Variants in MBIP observed in about 807,000 individuals in gnomAD.
The protein encoded by MBIP is MAP3K12-binding inhibitory protein 1.
MBIP carries 32 observed loss-of-function variants against 45.7 expected under a neutral mutation model. That is an observed-to-expected ratio of 0.70 (90% CI 0.53 to 0.94). The LOEUF is 0.94. MBIP is among the 40% of genes least tolerant of loss of function. The pLI, the probability that MBIP is intolerant of heterozygous loss-of-function variation, is 0.00. For missense variants in MBIP, 381 were observed against 405.5 expected (o/e 0.94, Z 0.52); for synonymous variants, 145 against 141.0 (o/e 1.03, Z -0.20).
At chr14:36,309,585 T>C (rs1257900715) in intron 6 of MBIP, among the ~76,000 whole-genome samples, 1 of 152,186 alleles carries the variant, frequency 6.6e-6, no homozygotes, top group African/African-American at 2.4e-5. Flanking sequence ...TTCTAGAAAT[T>C]TTGAGGATTT....
intron 8 of MBIP, among the ~76,000 whole-genome samples, chr14:36,299,959 G>C (rs866600693): frequency 3.4e-4 from 51 of 152,114 alleles, no homozygotes; most frequent in Middle Eastern, 3.4e-3. Context: ...CAGGGTTTTG[G>C]GGGGGCAGTG....
intron 1 of MBIP, among the ~76,000 whole-genome samples, chr14:36,317,548 T>A (rs2139238088): frequency 6.6e-6 from 1 of 152,240 alleles, no homozygotes; most frequent in African/African-American, 2.4e-5. Context: ...CAGCTCATTA[T>A]ATGGAAATTT....
At position 36,301,181 on chromosome 14, in the gene MBIP, T is replaced by C. The variant is rs577750977; in HGVS notation, c.889-358A>G. 2.6e-5 allele frequency among the ~76,000 whole-genome samples: 4 copies of C among 152,278 alleles called. No homozygotes were observed. The East Asian group carries it at 7.7e-4, about 29-fold the overall frequency. On this transcript the variant is annotated intron_variant, in intron 7 of 8. Coordinates refer to ENST00000416007, the MANE Select transcript of MBIP (RefSeq NM_016586.3). ...TCATAACCTTTCCATCCTAGGGTAT[T>C]GAACAAGTGAAGTGACAACAGACAA...
Position 36,308,176 on chromosome 14 carries a change from T to G in MBIP, c.804A>C (p.Pro268=), listed in dbSNP as rs1464538304. The G allele has an allele frequency of 1.3e-6, 2 of 1,589,482 alleles. No individual in the cohort carries two copies. Among genetic ancestry groups the G allele is most frequent in the East Asian group, 4.5e-5 (2 of 44,576 alleles). ...HLRLQTGGPV[P]RDIYQRIKKL... ...TTTTAATTCTCTGATAAATGTCTCT[T>G]GGCACTGGACCACCTAAATACATTA... The change falls in exon 7 of 9, where the codon CCA becomes CCC. Residue 268 remains proline, a synonymous_variant. Transcript: ENST00000416007.
At position 36,299,489 on chromosome 14, in the gene MBIP, A is replaced by C. The variant is rs575359205; in HGVS notation, c.928-299T>G. The stretch of plus-strand genomic sequence containing the variant: ...AAAAAAAAAAAAGCCTGATTATTAG[A>C]CACTGGAGCCTATTTGAAGATGGGA... On this transcript the variant is annotated intron_variant, in intron 8 of 8. Transcript: ENST00000416007. Among the ~76,000 whole-genome samples, 4 of 150,396 alleles carry C rather than the reference A, an allele frequency of 2.7e-5. No homozygotes were observed. The South Asian group carries it at 8.4e-4, about 32-fold the overall frequency.
chr14:36,302,384 T>C (rs1295400062), intron 7 of MBIP, among the ~76,000 whole-genome samples: 2 of 150,380 alleles, frequency 1.3e-5, no homozygotes, highest in Non-Finnish European at 2.9e-5. Flanking sequence ...CCCAGCTACT[T>C]GGGAGGCTGA....
chr14:36,307,830 C>T (rs535757597), intron 7 of MBIP, among the ~76,000 whole-genome samples: 2 of 152,244 alleles, frequency 1.3e-5, no homozygotes, highest in East Asian at 1.9e-4. Flanking sequence ...GGCTGACTTA[C>T]TATGCCATGA....
chr14:36,311,428 C>A, intron 6 of MBIP, 145 bp downstream of exon 6: 2 of 641,364 alleles, frequency 3.1e-6, no homozygotes. Context: ...AGTGAATTGA[C>A]ATACACATAA....
At chr14:36,312,071 C>A in intron 4 of MBIP, 47 bp from the exon 5 acceptor site, 3 of 1,049,128 alleles carry the variant, frequency 2.9e-6, no homozygotes, top group South Asian at 1.7e-5. Flanking sequence ...TTCTTCCCTT[C>A]AAATGTATGA....
chr14:36,317,239 T>C (rs1405429774), intron 1 of MBIP, among the ~76,000 whole-genome samples: 1 of 152,206 alleles, frequency 6.6e-6, no homozygotes, highest in Non-Finnish European at 1.5e-5. Context: ...AGTTTTAACA[T>C]GCATCTTTCT....
intron 1 of MBIP, among the ~76,000 whole-genome samples, chr14:36,320,232 C>T (rs1373551160): frequency 6.6e-6 from 1 of 152,154 alleles, no homozygotes. Flanking sequence ...GCCAACCTCA[C>T]CCACTCTTGG....
In MBIP at chr14:36,311,690, T is replaced by C. The variant is rs371414445; in HGVS notation, c.673A>G (p.Arg225Gly). ...RVVNTYGPQT[R>G]PEGIPGSGHK... is the part of the protein sequence containing the mutation. ...CCTGACCCTGGAATTCCTTCAGGTCTAGTCTGTGGTCCGTATGTATTCACA... is the reference window on the plus strand; with the variant it reads ...CCTGACCCTGGAATTCCTTCAGGTCCAGTCTGTGGTCCGTATGTATTCACA... Residue 225 changes from arginine (R) to glycine (G), a missense_variant, in exon 6 of 9, where the codon AGA becomes GGA. Transcript: ENST00000416007. 3.3e-5 allele frequency: 53 copies of C among 1,613,158 alleles called. No homozygotes were observed. The Middle Eastern group carries it at 1.3e-3, about 40-fold the overall frequency.
chr14:36,301,940 A>C (rs571427762), intron 7 of MBIP, among the ~76,000 whole-genome samples: 81 of 152,364 alleles, frequency 5.3e-4, no homozygotes, highest in Non-Finnish European at 1.0e-3. Flanking sequence ...ATTAAAACTC[A>C]CATTTTCCTT....
At chr14:36,314,961 A>G (rs1184789456) in intron 2 of MBIP, 46 bp from the exon 3 acceptor site, 1 of 1,099,042 alleles carries the variant, frequency 9.1e-7, no homozygotes, top group East Asian at 2.4e-5. Flanking sequence ...TCTGACCAAA[A>G]TTAATTACAC....
At position 36,320,456 on chromosome 14, in the gene MBIP, T is replaced by C; in HGVS notation, c.129+4A>G. The C allele has an allele frequency of 6.2e-7, 1 of 1,614,054 alleles. No individual in the cohort carries two copies. On this transcript the variant is annotated splice_donor_region_variant and intron_variant, in intron 1 of 8. Coordinates refer to ENST00000416007, the MANE Select transcript of MBIP (RefSeq NM_016586.3). Reference sequence around the variant, plus strand: ...TATTCCCAGTCCCTCAGGCCACCTCTCACCTGTCCAACCAGGGTGTGTAGG... The same window carrying C: ...TATTCCCAGTCCCTCAGGCCACCTCCCACCTGTCCAACCAGGGTGTGTAGG...
intron 6 of MBIP, among the ~76,000 whole-genome samples, chr14:36,309,794 C>T (rs1156449291): frequency 6.6e-6 from 1 of 152,168 alleles, no homozygotes; most frequent in African/African-American, 2.4e-5. Flanking sequence ...GTGCCCCCAC[C>T]ATTCTTCAGT....
intron 6 of MBIP, among the ~76,000 whole-genome samples, chr14:36,310,306 C>G (rs1442927699): frequency 6.6e-6 from 1 of 152,154 alleles, no homozygotes; most frequent in Admixed American, 6.5e-5. Flanking sequence ...ATACTGGATT[C>G]AGATATCTCC....
At chr14:36,302,591 C>T (rs1879635743) in intron 7 of MBIP, among the ~76,000 whole-genome samples, 1 of 150,238 alleles carries the variant, frequency 6.7e-6, no homozygotes, top group Non-Finnish European at 1.5e-5. Context: ...AATCAGATTA[C>T]TACTGTATCA....
chr14:36,320,407 C>T (rs1566558683), intron 1 of MBIP, 53 bp downstream of exon 1: 1 of 1,611,556 alleles, frequency 6.2e-7, no homozygotes, highest in Non-Finnish European at 8.5e-7. Context: ...AAAAGAATGG[C>T]GAGGAGGGAC....
Sources: allele counts gnomAD v4.1 joint callset (sites outside exome capture counted in the v4.1 genomes callset), GRCh38; gene constraint gnomAD v4.1.1; transcripts MANE v1.5; gene names NCBI Gene and HGNC (gene_info 2026-07-23, HGNC 2026-07-21).